Variants in EBF4 observed in about 807,000 individuals in gnomAD.
EBF4 encodes transcription factor COE4.
In EBF4, 34 loss-of-function variants were observed where a neutral mutation model predicts 67.1. The observed-to-expected ratio is 0.51, with a 90% CI of 0.39 to 0.67. The LOEUF is 0.67. Ranked by LOEUF, EBF4 falls within the 30% of genes least tolerant of loss-of-function variation. The probability of loss-of-function intolerance (pLI) is 0.00; values close to 1 mark genes in which losing one functional copy is unlikely to be tolerated. For missense variants in EBF4, 837 were observed against 873.3 expected (o/e 0.96, Z 0.52); for synonymous variants, 387 against 377.7 (o/e 1.02, Z -0.29).
intron 6 of EBF4, among the ~76,000 whole-genome samples, chr20:2,740,717 A>C (rs1009896019): frequency 6.6e-5 from 10 of 152,170 alleles, no homozygotes; most frequent in African/African-American, 2.4e-4. Flanking sequence ...GAGAGCTCTC[A>C]GGAGAAAAGG....
At chr20:2,717,312 T>C (rs543137961) in intron 6 of EBF4, among the ~76,000 whole-genome samples, 157 of 152,236 alleles carry the variant, frequency 1.0e-3, no homozygotes, top group Non-Finnish European at 9.7e-4. Flanking sequence ...AAAAACCTGT[T>C]CTCCTGGAGA....
At chr20:2,726,725 A>G (rs1197180432) in intron 6 of EBF4, among the ~76,000 whole-genome samples, 1 of 152,182 alleles carries the variant, frequency 6.6e-6, no homozygotes, top group Non-Finnish European at 1.5e-5. Flanking sequence ...CACAAACTTT[A>G]CAATTAGATT....
chr20:2,708,143 G>A, intron 5 of EBF4, 123 bp downstream of exon 5: 1 of 1,030,030 alleles, frequency 9.7e-7, no homozygotes, highest in South Asian at 1.7e-5. Flanking sequence ...CCCTGGAGAA[G>A]CCTGGTGGCA....
intron 6 of EBF4, among the ~76,000 whole-genome samples, chr20:2,714,968 C>T (rs2087589304): frequency 1.3e-5 from 2 of 151,892 alleles, no homozygotes; most frequent in African/African-American, 4.8e-5. Flanking sequence ...CTATATGATA[C>T]ATGCAAAAGA....
chr20:2,758,965 C>T, exon 16 of EBF4: 1 of 1,551,810 alleles, frequency 6.4e-7, no homozygotes, highest in Non-Finnish European at 8.7e-7. Context: ...GCTTCAGGGC[C>T]TGGCATACTC....
At chr20:2,712,783 G>A (rs1170390341) in intron 6 of EBF4, among the ~76,000 whole-genome samples, 1 of 152,172 alleles carries the variant, frequency 6.6e-6, no homozygotes, top group African/African-American at 2.4e-5. Flanking sequence ...GAAGTGACCA[G>A]CAAGGTAAGA....
At chr20:2,710,564 T>C (rs1045022629) in intron 6 of EBF4, among the ~76,000 whole-genome samples, 1 of 54,980 alleles carries the variant, frequency 1.8e-5, no homozygotes, top group Admixed American at 1.7e-4. Context: ...ACTGTACATG[T>C]TTTTTTTTTT....
chr20:2,706,148 C>T (rs1184136237), intron 3 of EBF4, 61 bp from the exon 4 acceptor site: 1 of 1,550,290 alleles, frequency 6.5e-7, no homozygotes, highest in African/African-American at 1.4e-5. Flanking sequence ...GTGATGTGGT[C>T]TGGTCATTGA....
rs1238123471 is a variant in EBF4, at chr20:2,755,606, C to A, written c.1541-21C>A. On this transcript the variant is annotated intron_variant, in intron 14 of 16. Coordinates refer to ENST00000609451, the Ensembl canonical transcript of EBF4. The surrounding 1 kb of genome is among the most constrained non-coding windows in gnomAD (Gnocchi z 4.7). ...CACCACCTTCCCTGCTGCGCCTGCC[C>A]CTCCCCGCCCCGCCCCGGAGTCATG... The A allele has an allele frequency of 1.7e-6, 2 of 1,173,246 alleles. No individual in the cohort carries two copies. The highest frequency in any genetic ancestry group is 2.6e-5 in the South Asian group (2 of 76,354). The allele number at this position is 1,173,246 out of a possible 1,614,324, so 72.7% of individuals were successfully genotyped here. A position where few individuals can be genotyped will look rare whatever the true frequency, so the allele number is the denominator to read the frequency against.
chr20:2,759,165 AC>A (rs1235750244), intron 16 of EBF4, 102 bp from the exon 17 acceptor site: 2 of 618,302 alleles, frequency 3.2e-6, no homozygotes, highest in Non-Finnish European at 5.6e-6. Context: ...TACTTGGCCC[AC>A]CCCAGTAACC....
At chr20:2,753,983 G>A (rs913432267) in intron 14 of EBF4, among the ~76,000 whole-genome samples, 36 of 15,064 alleles carry the variant, frequency 2.4e-3, no homozygotes, top group Non-Finnish European at 4.1e-3. Flanking sequence ...AACACTGGTG[G>A]GGGTATGGAA....
rs999989020 is a variant in EBF4, at chr20:2,693,991, G to T, written c.137+209G>T. On this transcript the variant is annotated intron_variant, in intron 1 of 16. Transcript: ENST00000609451. The surrounding 1 kb of genome is among the most constrained non-coding windows in gnomAD (Gnocchi z 4.6). ...GGGCGGGGCTTCTGCCTCCACTCCG[G>T]GCTGCCCCGGTAGATTTCTGACGGC... 8.5e-5 allele frequency among the ~76,000 whole-genome samples: 13 copies of T among 152,234 alleles called. No homozygotes were observed. The highest frequency in any genetic ancestry group is 3.1e-4 in the African/African-American group (13 of 41,454).
Position 2,737,024 on chromosome 20 carries a change from C to A in EBF4, c.558-11525C>A, listed in dbSNP as rs191972094. Among the ~76,000 whole-genome samples the A allele has an allele frequency of 1.2e-3, 183 of 151,970 alleles. 1 individual carries two copies. Among genetic ancestry groups the A allele is most frequent in the Non-Finnish European group, 2.4e-3 (161 of 67,978 alleles). On this transcript the variant is annotated intron_variant, in intron 6 of 16. Coordinates refer to ENST00000609451, the Ensembl canonical transcript of EBF4. ...CAGCACTTTGGGAGGCCAAGGTGGG[C>A]AGATCACAAGGTCAGGAGATGGAGA...
chr20:2,730,839 C>T (rs1371658558), intron 6 of EBF4, among the ~76,000 whole-genome samples: 3 of 152,200 alleles, frequency 2.0e-5, no homozygotes, highest in Non-Finnish European at 4.4e-5. Context: ...ACCATCCTAT[C>T]AGTCAGTGCT....
intron 6 of EBF4, among the ~76,000 whole-genome samples, chr20:2,721,043 A>G (rs1326558844): frequency 6.6e-6 from 1 of 152,160 alleles, no homozygotes; most frequent in East Asian, 1.9e-4. Flanking sequence ...ATTATGATGT[A>G]CATTGATGGA....
At chr20:2,734,840 C>T (rs1357079453) in intron 6 of EBF4, among the ~76,000 whole-genome samples, 2 of 152,200 alleles carry the variant, frequency 1.3e-5, no homozygotes, top group Admixed American at 1.3e-4. Context: ...CAGCGATTTA[C>T]AACTCTGCCT....
upstream of EBF4, chr20:2,693,035 G>T: frequency 6.6e-6 from 1 of 151,198 alleles, no homozygotes; most frequent in South Asian, 1.8e-4. This position sits in a 1 kb window ranked among gnomAD's most constrained non-coding sequence, Gnocchi z 4.6. Flanking sequence ...CTGCTGGCCC[G>T]GCGCGGCCCC....
At position 2,743,013 on chromosome 20, in the gene EBF4, T is replaced by C. The variant is rs1600235371; in HGVS notation, c.558-5536T>C. Reference sequence around the variant, plus strand: ...CCCATGTCCACATGTGTTCCATGTGTGTGTCTCCCTCCAACTCCCCTGCCC... The same window carrying C: ...CCCATGTCCACATGTGTTCCATGTGCGTGTCTCCCTCCAACTCCCCTGCCC... On this transcript the variant is annotated intron_variant, in intron 6 of 16. Transcript: ENST00000609451. Among the ~76,000 whole-genome samples the C allele has an allele frequency of 3.9e-5, 6 of 152,098 alleles. No individual in the cohort carries two copies. In the East Asian group the frequency reaches 1.2e-3, roughly 29 times the overall value.
Position 2,745,928 on chromosome 20 carries a change from C to A in EBF4, c.558-2621C>A, listed in dbSNP as rs1290193361. On this transcript the variant is annotated intron_variant, in intron 6 of 16. Transcript: ENST00000609451. This position sits in a 1 kb window ranked among gnomAD's most constrained non-coding sequence, Gnocchi z 5.2. Reference sequence around the variant, plus strand: ...TTTTGGTGCAGTCCTATGCTTGTCGCATCTTCAGTGGTATCCAAAGGTGAG... The same window carrying A: ...TTTTGGTGCAGTCCTATGCTTGTCGAATCTTCAGTGGTATCCAAAGGTGAG... Among the ~76,000 whole-genome samples, 2 of 152,184 alleles carry A rather than the reference C, an allele frequency of 1.3e-5. No homozygotes were observed. Among genetic ancestry groups the A allele is most frequent in the Admixed American group, 1.3e-4 (2 of 15,282 alleles).
Sources: allele counts gnomAD v4.1 joint callset (sites outside exome capture counted in the v4.1 genomes callset), GRCh38; gene constraint gnomAD v4.1.1; non-coding constraint Gnocchi (gnomAD v3.1); transcripts MANE v1.5; gene names NCBI Gene and HGNC (gene_info 2026-07-23, HGNC 2026-07-21).